The following SEC24B variants were observed in gnomAD, a reference collection of about 807,000 sequenced individuals.
SEC24B encodes protein transport protein Sec24B.
A neutral mutation model predicts 142.8 loss-of-function variants in SEC24B; 45 were observed. The observed-to-expected ratio is 0.32, with a 90% CI of 0.25 to 0.40. The LOEUF (loss-of-function observed/expected upper bound fraction) is 0.40, where lower values mean the gene tolerates loss of function less well. Among genes scored for constraint, SEC24B ranks in the 10% least tolerant of loss-of-function variants. SEC24B has a pLI of 1.00. For missense variants in SEC24B, 1,409 were observed against 1,526.8 expected, an observed-to-expected ratio of 0.92 and a Z score of 1.29; for synonymous variants, 574 against 568.2, an observed-to-expected ratio of 1.01 and a Z score of -0.15.
Position 109,539,742 on chromosome 4 carries a change from C to T in SEC24B, c.*67C>T, listed in dbSNP as rs1051625068. 7.6e-6 allele frequency: 8 copies of T among 1,050,224 alleles called. No individual in the cohort carries two copies. Among genetic ancestry groups the T allele is most frequent in the Admixed American group, 4.1e-5 (2 of 48,206 alleles). The allele number at this position is 1,050,224 out of a possible 1,614,324, so 65.1% of individuals were successfully genotyped here. On this transcript the variant is annotated 3_prime_UTR_variant, in exon 24 of 24. Coordinates refer to ENST00000265175, the MANE Select transcript of SEC24B (RefSeq NM_006323.5). ...TAAAGCATAATCTGTCAGAGAAGCGCGTGAGAAATTTGAAATGAAGGCATT... is the reference window on the plus strand; with the variant it reads ...TAAAGCATAATCTGTCAGAGAAGCGTGTGAGAAATTTGAAATGAAGGCATT...
intron 1 of SEC24B, among the ~76,000 whole-genome samples, chr4:109,460,789 ATAT>A (rs1442734202): frequency 6.6e-5 from 10 of 150,830 alleles, no homozygotes; most frequent in East Asian, 1.9e-4. Flanking sequence ...AATAAGACTA[ATAT>A]TAGGATTAAT....
chr4:109,477,086 G>A (rs893610038), intron 3 of SEC24B, among the ~76,000 whole-genome samples: 6 of 143,498 alleles, frequency 4.2e-5, no homozygotes, highest in South Asian at 2.2e-4. Flanking sequence ...GCAGTGAGCC[G>A]AGATCCCGCC....
At chr4:109,464,258 T>C (rs1004580706) in intron 2 of SEC24B, among the ~76,000 whole-genome samples, 3 of 152,058 alleles carry the variant, frequency 2.0e-5, no homozygotes, top group African/African-American at 4.8e-5. Flanking sequence ...TTAAATTTTT[T>C]CATTTAAAAA....
At chr4:109,522,748 C>CGT (rs928139110) in intron 14 of SEC24B, among the ~76,000 whole-genome samples, 10 of 152,016 alleles carry the variant, frequency 6.6e-5, no homozygotes, top group South Asian at 2.1e-4. Flanking sequence ...GGACATCATA[C>CGT]GTGTGTGTGT....
intron 5 of SEC24B, among the ~76,000 whole-genome samples, chr4:109,494,010 A>G (rs1735279332): frequency 6.6e-6 from 1 of 152,212 alleles, no homozygotes; most frequent in South Asian, 2.1e-4. Flanking sequence ...TATAGATGGT[A>G]GGTTTAGATA....
At chr4:109,448,341 A>G (rs911123806) in intron 1 of SEC24B, among the ~76,000 whole-genome samples, 20 of 152,086 alleles carry the variant, frequency 1.3e-4, no homozygotes, top group African/African-American at 4.3e-4. Context: ...CACTCTGGCT[A>G]CGTTTGGTGT....
At chr4:109,434,088 C>T (rs1171764615) in intron 1 of SEC24B, 86 bp downstream of exon 1, 1 of 904,814 alleles carries the variant, frequency 1.1e-6, no homozygotes, top group African/African-American at 1.8e-5. Flanking sequence ...CGGGCCGGGC[C>T]GGGAAGGGCG....
At chr4:109,477,593 T>C (rs1213726430) in intron 3 of SEC24B, among the ~76,000 whole-genome samples, 1 of 152,098 alleles carries the variant, frequency 6.6e-6, no homozygotes, top group Non-Finnish European at 1.5e-5. Flanking sequence ...CCCAAGGTGC[T>C]CAGATTACAG....
chr4:109,475,153 C>T (rs573563550), intron 3 of SEC24B, among the ~76,000 whole-genome samples: 5 of 152,286 alleles, frequency 3.3e-5, no homozygotes, highest in South Asian at 4.1e-4. Context: ...AGATAAGTTT[C>T]TTGCTTAAGT....
chr4:109,527,747 C>G (rs1724413144), intron 18 of SEC24B, among the ~76,000 whole-genome samples: 1 of 151,218 alleles, frequency 6.6e-6, no homozygotes, highest in African/African-American at 2.4e-5. Context: ...AATCACTCCA[C>G]TCCAGCTTGG....
chr4:109,495,669 CTTA>C (rs1735467068), intron 6 of SEC24B, among the ~76,000 whole-genome samples: 1 of 152,242 alleles, frequency 6.6e-6, no homozygotes, highest in South Asian at 2.1e-4. Context: ...CTACCCTAAT[CTTA>C]TTATGCAAAT....
intron 3 of SEC24B, among the ~76,000 whole-genome samples, chr4:109,475,424 A>T (rs1156643511): frequency 1.3e-5 from 2 of 152,190 alleles, no homozygotes; most frequent in African/African-American, 2.4e-5. Context: ...ACTTAAAAAG[A>T]GATTAGCTTT....
At chr4:109,484,085 G>T (rs375236480) in intron 4 of SEC24B, among the ~76,000 whole-genome samples, 8 of 152,226 alleles carry the variant, frequency 5.3e-5, no homozygotes, top group African/African-American at 1.9e-4. Flanking sequence ...AATATCAGTT[G>T]TCTGAAGTAG....
chr4:109,449,509 G>C, intron 1 of SEC24B: 1 of 455,476 alleles, frequency 2.2e-6, no homozygotes. Flanking sequence ...TGGGAGTACA[G>C]GTGTGTGCCA....
intron 1 of SEC24B, among the ~76,000 whole-genome samples, chr4:109,461,285 G>A (rs1244489898): frequency 1.3e-5 from 2 of 152,126 alleles, no homozygotes; most frequent in African/African-American, 4.8e-5. Flanking sequence ...TTGATGGGAG[G>A]TATAAATTGA....
At position 109,433,845 on chromosome 4, in the gene SEC24B, A is replaced by G; in HGVS notation, c.-25A>G. ...CCCTCCGCCCACCTCCCTGAAGCGG[A>G]GCCGCCGTCGCCACCAGCGCCGTCA... On this transcript the variant is annotated 5_prime_UTR_variant, in exon 1 of 24. Coordinates refer to ENST00000265175, the MANE Select transcript of SEC24B (RefSeq NM_006323.5). 1 of 1,285,756 alleles carries G rather than the reference A, an allele frequency of 7.8e-7. No individual in the cohort carries two copies. Among genetic ancestry groups the G allele is most frequent in the Non-Finnish European group, 9.8e-7 (1 of 1,015,252 alleles). The allele number at this position is 1,285,756 out of a possible 1,614,324, so 79.6% of individuals were successfully genotyped here. A position where few individuals can be genotyped will look rare whatever the true frequency, so the allele number is the denominator to read the frequency against.
intron 9 of SEC24B, 88 bp from the exon 10 acceptor site, chr4:109,513,659 T>C: frequency 1.3e-6 from 1 of 753,722 alleles, no homozygotes. Flanking sequence ...CGTGTAAATA[T>C]TGATAATAGA....
intron 18 of SEC24B, among the ~76,000 whole-genome samples, chr4:109,528,528 G>A (rs1166912732): frequency 6.6e-6 from 1 of 152,058 alleles, no homozygotes; most frequent in Non-Finnish European, 1.5e-5. Context: ...GATTGAGACT[G>A]AGGGAGGGTT....
chr4:109,450,262 G>C (rs1171817686), intron 1 of SEC24B, among the ~76,000 whole-genome samples: 1 of 152,054 alleles, frequency 6.6e-6, no homozygotes, highest in Non-Finnish European at 1.5e-5. Flanking sequence ...CTGCAGTGAG[G>C]TATACCAAAT....
Sources: gnomAD v4.1 joint callset for allele counts (sites outside exome capture counted in the v4.1 genomes callset) on GRCh38, gnomAD v4.1.1 for gene constraint, MANE v1.5 for transcripts, NCBI Gene and HGNC (gene_info 2026-07-23, HGNC 2026-07-21) for gene names.